Variants in RALGAPA1 observed in about 807,000 individuals in gnomAD.
RALGAPA1 encodes the protein ral GTPase-activating protein subunit alpha-1.
Under a neutral mutation model 269.6 loss-of-function variants are expected in RALGAPA1, and 52 were observed. That is an observed-to-expected ratio of 0.19 (90% CI 0.15 to 0.24). The LOEUF (loss-of-function observed/expected upper bound fraction) is 0.24. RALGAPA1 is among the 10% of genes least tolerant of loss of function. RALGAPA1 has a pLI of 1.00. For missense variants in RALGAPA1, 1,917 were observed against 3,013.9 expected (o/e 0.64, Z 8.52); for synonymous variants, 817 against 1,008.3 (o/e 0.81, Z 3.60).
chr14:35,710,674 T>C (rs1040294164), intron 16 of RALGAPA1, among the ~76,000 whole-genome samples: 1 of 152,232 alleles, frequency 6.6e-6, no homozygotes, highest in African/African-American at 2.4e-5. Context: ...ACCGCATGTA[T>C]GATGGTGGTC....
At chr14:35,595,233 G>A (rs936298992) in intron 37 of RALGAPA1, among the ~76,000 whole-genome samples, 6 of 151,888 alleles carry the variant, frequency 4.0e-5, no homozygotes, top group South Asian at 2.1e-4. Flanking sequence ...GAGATTTAAC[G>A]CACAATAAAA....
intron 37 of RALGAPA1, among the ~76,000 whole-genome samples, chr14:35,577,114 A>C (rs2057618725): frequency 6.6e-6 from 1 of 152,178 alleles, no homozygotes; most frequent in Non-Finnish European, 1.5e-5. Flanking sequence ...TCATTATCTA[A>C]GTGCTCACAA....
At chr14:35,661,622 G>A (rs1243293992) in intron 27 of RALGAPA1, among the ~76,000 whole-genome samples, 1 of 152,140 alleles carries the variant, frequency 6.6e-6, no homozygotes, top group African/African-American at 2.4e-5. Context: ...TAAGAATTTT[G>A]TTCATTGGTT....
intron 27 of RALGAPA1, among the ~76,000 whole-genome samples, chr14:35,660,927 A>T (rs1595024399): frequency 6.6e-6 from 1 of 152,276 alleles, no homozygotes; most frequent in South Asian, 2.1e-4. Context: ...GAAGTCTTGG[A>T]AGCAGAGAGT....
intron 13 of RALGAPA1, among the ~76,000 whole-genome samples, chr14:35,726,155 G>A (rs150840868): frequency 1.5e-3 from 224 of 152,250 alleles, no homozygotes; most frequent in Non-Finnish European, 2.2e-3. Flanking sequence ...AATGTGGCAG[G>A]GGCGGCAACA....
At chr14:35,649,111 A>G (rs1458693418) in intron 31 of RALGAPA1, among the ~76,000 whole-genome samples, 2 of 152,234 alleles carry the variant, frequency 1.3e-5, no homozygotes, top group Non-Finnish European at 2.9e-5. Flanking sequence ...AATCAGGTAT[A>G]TAATTGCCTT....
chr14:35,541,658 TG>T, intron 41 of RALGAPA1: 1 of 448,038 alleles, frequency 2.2e-6, no homozygotes, highest in Admixed American at 2.4e-5. Flanking sequence ...AGAAGGAAAG[TG>T]AAGAGCAGTA....
rs536726711 is a variant in RALGAPA1 at position 35,634,705 on chromosome 14, A to G, written c.5864T>C (p.Phe1955Ser). The G allele has an allele frequency of 5.0e-6, 8 of 1,613,176 alleles. No homozygotes were observed. In the South Asian group the frequency reaches 7.7e-5, roughly 16 times the overall value. ...GAQCFSNPRY[F>S]PMSLSDLASV... ...TGCCAAATCAGAGAGGCTCATGGGA[A>G]AATACCTTGGATTGCTAAAACACTG... Residue 1955 changes from phenylalanine (F) to serine (S), a missense_variant, in exon 33 of 42, where the codon TTT (phenylalanine) becomes TCT (serine). By Grantham distance (155) the Phe-to-Ser change is radical (BLOSUM62 -2). Transcript: ENST00000680220.
At chr14:35,662,905 A>G (rs1257379828) in intron 27 of RALGAPA1, among the ~76,000 whole-genome samples, 2 of 133,588 alleles carry the variant, frequency 1.5e-5, no homozygotes, top group Non-Finnish European at 3.1e-5. Context: ...ATGTAAGTCA[A>G]GTTCACTTGT....
At chr14:35,575,377 A>G (rs1469454222) in intron 37 of RALGAPA1, among the ~76,000 whole-genome samples, 1 of 152,212 alleles carries the variant, frequency 6.6e-6, no homozygotes, top group Non-Finnish European at 1.5e-5. Flanking sequence ...GATGACTATT[A>G]TTACTTGAAG....
intron 12 of RALGAPA1, among the ~76,000 whole-genome samples, chr14:35,732,846 C>T (rs2070633623): frequency 6.6e-6 from 1 of 152,112 alleles, no homozygotes. Context: ...CAGGTCAAGA[C>T]AGAAAGACAA....
intron 31 of RALGAPA1, among the ~76,000 whole-genome samples, chr14:35,648,066 G>A (rs984646359): frequency 6.6e-6 from 1 of 151,876 alleles, no homozygotes; most frequent in Non-Finnish European, 1.5e-5. Flanking sequence ...CACCAGGTCA[G>A]GAGTTCACGA....
rs575413524 is a variant in RALGAPA1 at position 35,698,345 on chromosome 14, C to T, written c.2407+1817G>A. ...CCACTCTAAAATATTTTGAAAGGAA[C>T]AACCTTATCTTTGTTTTAGCTATTC... On this transcript the variant is annotated intron_variant, in intron 17 of 41. Transcript: ENST00000680220. Among the ~76,000 whole-genome samples the T allele has an allele frequency of 3.9e-5, 6 of 152,278 alleles. No individual in the cohort carries two copies. The East Asian group carries it at 1.2e-3, about 29-fold the overall frequency.
chr14:35,574,341 T>C (rs183011140), intron 37 of RALGAPA1, among the ~76,000 whole-genome samples: 1 of 152,334 alleles, frequency 6.6e-6, no homozygotes, highest in Admixed American at 6.5e-5. Flanking sequence ...TTTTATTTTA[T>C]AACTGAAGCT....
intron 37 of RALGAPA1, among the ~76,000 whole-genome samples, chr14:35,591,422 C>T (rs1187355873): frequency 1.3e-5 from 2 of 152,080 alleles, no homozygotes; most frequent in Non-Finnish European, 2.9e-5. Context: ...CTCAAGCAAT[C>T]CTCCCACAGT....
Position 35,775,720 on chromosome 14 carries a change from T to C in RALGAPA1, c.132A>G (p.Lys44=). 1.3e-6 allele frequency: 2 copies of C among 1,565,066 alleles called. No homozygotes were observed. Among genetic ancestry groups the C allele is most frequent in the South Asian group, 1.2e-5 (1 of 80,618 alleles). ...GTGAAAAATGTTGGTCGAAAAACTG[T>C]TTAAGATCAATAGATTCTGCATTCT... ...VIENAESIDL[K]QFFDQHFSHI... The change falls in exon 2 of 42, where the codon AAA becomes AAG. Residue 44 remains lysine (K), a synonymous_variant. Transcript: ENST00000680220.
At position 35,632,190 on chromosome 14, in the gene RALGAPA1, T is replaced by C. The variant is rs566926105; in HGVS notation, c.5995+2384A>G. Among the ~76,000 whole-genome samples, 34 of 152,330 alleles carry C rather than the reference T, an allele frequency of 2.2e-4. 1 individual carries two copies. Among genetic ancestry groups the C allele is most frequent in the Admixed American group, 8.5e-4 (13 of 15,306 alleles). On this transcript the variant is annotated intron_variant, in intron 33 of 41. Transcript: ENST00000680220. ...TTTATTTATACTTATTTTTGAGCTA[T>C]AAACTATAGAACATACATATCTCTC...
At chr14:35,719,320 A>G (rs2069155593) in intron 16 of RALGAPA1, among the ~76,000 whole-genome samples, 1 of 152,076 alleles carries the variant, frequency 6.6e-6, no homozygotes, top group South Asian at 2.1e-4. Context: ...TCTCAGAAAG[A>G]AAAAAAAGTA....
intron 41 of RALGAPA1, 42 bp downstream of exon 41, chr14:35,548,466 G>T: frequency 6.9e-7 from 1 of 1,453,038 alleles, no homozygotes; most frequent in Non-Finnish European, 9.3e-7. Context: ...AAAAGGAAAT[G>T]GGAGAAGAAC....
Sources: gnomAD v4.1 joint callset for allele counts (sites outside exome capture counted in the v4.1 genomes callset) on GRCh38, gnomAD v4.1.1 for gene constraint, MANE v1.5 for transcripts, NCBI Gene and HGNC (gene_info 2026-07-23, HGNC 2026-07-21) for gene names.